CALD1: variants seen among roughly 807,000 people sequenced by gnomAD.
CALD1 encodes caldesmon 1.
A neutral mutation model predicts 99.9 loss-of-function variants in CALD1; 33 were observed. The observed-to-expected ratio is 0.33, with a 90% CI of 0.25 to 0.44. The LOEUF (loss-of-function observed/expected upper bound fraction) is 0.44, where lower values mean the gene tolerates loss of function less well. CALD1 is among the 20% of genes least tolerant of loss of function. The pLI is 1.00. For missense variants in CALD1, 861 were observed against 962.1 expected (o/e 0.89, Z 1.39); for synonymous variants, 310 against 325.0 (o/e 0.95, Z 0.50).
rs4535678 is a variant in CALD1 at position 134,919,751 on chromosome 7, A to T, written c.72-9003A>T. Among the ~76,000 whole-genome samples, 5 of 152,294 alleles carry T rather than the reference A, an allele frequency of 3.3e-5. No homozygotes were observed. In the South Asian group the frequency reaches 1.0e-3, roughly 32 times the overall value. On this transcript the variant is annotated intron_variant, in intron 3 of 14. Transcript: ENST00000361675. ...CACCCCAGGAAAAGGCACAACACTG[A>T]TACAGCAATGAACCCCACAATGAAA...
chr7:134,725,363 C>T, the CALD1 span, among the ~76,000 whole-genome samples: 17 of 152,270 alleles, frequency 1.1e-4, 3 homozygotes, highest in South Asian at 3.5e-3. Context: ...ATGTGGGATC[C>T]AAACCATCCT....
intron 3 of CALD1, among the ~76,000 whole-genome samples, chr7:134,913,106 A>G (rs1164277896): frequency 2.0e-5 from 3 of 152,186 alleles, no homozygotes; most frequent in African/African-American, 4.8e-5. Context: ...CTCTACTAAA[A>G]AAATACAAAA....
chr7:134,739,552 C>A (rs62462506), upstream of CALD1, among the ~76,000 whole-genome samples: 3 of 151,994 alleles, frequency 2.0e-5, no homozygotes, highest in Non-Finnish European at 4.4e-5. Context: ...AGGGTGGTCA[C>A]GTGACTGATG....
At chr7:134,814,307 T>C (rs565671758) in intron 1 of CALD1, among the ~76,000 whole-genome samples, 7 of 152,294 alleles carry the variant, frequency 4.6e-5, no homozygotes, top group African/African-American at 7.2e-5. Flanking sequence ...TAATGACTTA[T>C]CTGGAGTTCC....
chr7:134,741,148 A>T (rs76386316), upstream of CALD1, among the ~76,000 whole-genome samples: 1,561 of 152,360 alleles, frequency 0.01, 25 homozygotes, highest in African/African-American at 0.035. Context: ...ATAAGGACAC[A>T]TCTGAGACTG....
intron 1 of CALD1, among the ~76,000 whole-genome samples, chr7:134,825,945 T>C (rs917257319): frequency 6.6e-6 from 1 of 152,072 alleles, no homozygotes; most frequent in Non-Finnish European, 1.5e-5. Context: ...CCATCTTAAT[T>C]CAGGTTTCAA....
At chr7:134,816,814 G>A (rs947076178) in intron 1 of CALD1, among the ~76,000 whole-genome samples, 2 of 152,136 alleles carry the variant, frequency 1.3e-5, no homozygotes, top group African/African-American at 4.8e-5. Flanking sequence ...CAATCCCATG[G>A]CTTCAATAGG....
chr7:134,931,093 C>CT (rs550104837), intron 4 of CALD1, among the ~76,000 whole-genome samples: 78 of 144,024 alleles, frequency 5.4e-4, no homozygotes, highest in African/African-American at 1.0e-3. Context: ...AAATCAAATT[C>CT]TTTTTTTTTT....
intron 1 of CALD1, among the ~76,000 whole-genome samples, chr7:134,759,225 GCT>G (rs1796756246): frequency 6.6e-6 from 1 of 152,218 alleles, no homozygotes; most frequent in South Asian, 2.1e-4. Context: ...ATTTACTGAT[GCT>G]CTCTTCTGGG....
upstream of CALD1, among the ~76,000 whole-genome samples, chr7:134,741,931 A>T (rs11771203): frequency 0.59 from 88,858 of 151,810 alleles, 26,757 homozygotes; most frequent in East Asian, 0.86. Flanking sequence ...AAGAACTTTG[A>T]AAGGTGGTGT....
At position 134,753,257 on chromosome 7, in the gene CALD1, C is replaced by T. The variant is rs539881901; in HGVS notation, c.-130+8894C>T. Among the ~76,000 whole-genome samples the T allele has an allele frequency of 5.9e-5, 9 of 152,010 alleles. No individual in the cohort carries two copies. The South Asian group carries it at 1.9e-3, about 32-fold the overall frequency. ...ACTTGATAAACCCTGGGCCTAAACT[C>T]TCATATGAGCAAATAATGAGAGCAG... On this transcript the variant is annotated intron_variant, in intron 1 of 13. Coordinates refer to the CALD1 transcript ENST00000417172.
chr7:134,873,211 A>T (rs1801184270), intron 3 of CALD1, among the ~76,000 whole-genome samples: 1 of 143,616 alleles, frequency 7.0e-6, no homozygotes, highest in Admixed American at 7.3e-5. Context: ...AAACAAAAAA[A>T]ACCCAAAAAA....
chr7:134,951,164 C>T (rs1261693249), intron 9 of CALD1, among the ~76,000 whole-genome samples: 1 of 152,186 alleles, frequency 6.6e-6, no homozygotes, highest in Non-Finnish European at 1.5e-5. Flanking sequence ...ACCCTCATCA[C>T]CTAGTTACCA....
chr7:134,824,350 T>C (rs1212413083), intron 1 of CALD1, among the ~76,000 whole-genome samples: 2 of 152,240 alleles, frequency 1.3e-5, no homozygotes, highest in Admixed American at 6.5e-5. Flanking sequence ...TTTTGTGCAG[T>C]TGATCAGATT....
In CALD1 at chr7:134,790,082, G is replaced by GGAGAGA. The variant is rs56962467; in HGVS notation, c.-130+10352_-130+10357dup. Reference sequence around the variant, plus strand: ...GAGAGGAAAAGAGAAAAAGAAATAAGGAGAGAGAGAGAGAGAGAGAGAGAA... The same window carrying GGAGAGA: ...GAGAGGAAAAGAGAAAAAGAAATAAGGAGAGAGAGAGAGAGAGAGAGAGAGAGAGAA... On this transcript the variant is annotated intron_variant, in intron 1 of 14. Coordinates refer to ENST00000361675, the MANE Select transcript of CALD1 (RefSeq NM_033138.4). 8.0e-4 allele frequency among the ~76,000 whole-genome samples: 114 copies of GGAGAGA among 142,310 alleles called. No individual in the cohort carries two copies. The East Asian group carries it at 0.013, about 17-fold the overall frequency. The allele number at this position is 142,310 out of a possible 152,430, so 93.4% of individuals were successfully genotyped here. A position where few individuals can be genotyped will look rare whatever the true frequency, so the allele number is the denominator to read the frequency against.
intron 2 of CALD1, among the ~76,000 whole-genome samples, chr7:134,846,045 C>A (rs901491467): frequency 6.6e-6 from 1 of 152,232 alleles, no homozygotes; most frequent in Admixed American, 6.5e-5. Context: ...CATTGTCCAA[C>A]TCCCCTGCTG....
chr7:134,907,779 A>G (rs1803507968), intron 3 of CALD1, among the ~76,000 whole-genome samples: 2 of 152,102 alleles, frequency 1.3e-5, no homozygotes, highest in South Asian at 4.2e-4. Context: ...TTTTTGATGA[A>G]CTGCACATGT....
intron 1 of CALD1, among the ~76,000 whole-genome samples, chr7:134,768,610 G>C (rs975546316): frequency 3.3e-4 from 50 of 152,226 alleles, no homozygotes; most frequent in African/African-American, 1.2e-3. Flanking sequence ...AGGAACATCG[G>C]AGAAGTAATC....
At chr7:134,869,879 T>A (rs533557467) in intron 3 of CALD1, among the ~76,000 whole-genome samples, 2 of 152,164 alleles carry the variant, frequency 1.3e-5, no homozygotes, top group South Asian at 4.2e-4. Context: ...ATGGAAGCCA[T>A]CAAAGAAGAC....
Sources: allele counts gnomAD v4.1 joint callset (sites outside exome capture counted in the v4.1 genomes callset), GRCh38; gene constraint gnomAD v4.1.1; transcripts MANE v1.5; gene names NCBI Gene and HGNC (gene_info 2026-07-23, HGNC 2026-07-21).